LRMDA: variants seen among roughly 807,000 people sequenced by gnomAD.
LRMDA encodes leucine rich melanocyte differentiation associated, also known as leucine-rich melanocyte differentiation-associated protein.
LRMDA carries 18 observed loss-of-function variants against 29.8 expected under a neutral mutation model. The ratio of observed to expected loss-of-function variants is 0.60; its 90% CI spans 0.42 to 0.90. The LOEUF (loss-of-function observed/expected upper bound fraction) is 0.90. LRMDA is among the 40% of genes least tolerant of loss of function. The pLI is 0.00. For missense variants in LRMDA, 273 were observed against 273.9 expected, an observed-to-expected ratio of 1.00 and a Z score of 0.02; for synonymous variants, 125 against 109.4, an observed-to-expected ratio of 1.14 and a Z score of -0.89.
At chr10:75,466,406 G>C (rs1844650821) in intron 2 of LRMDA, among the ~76,000 whole-genome samples, 1 of 152,118 alleles carries the variant, frequency 6.6e-6, no homozygotes, top group Admixed American at 6.5e-5. Flanking sequence ...TGTGGGGGAA[G>C]CCTCTATGGT....
intron 5 of LRMDA, among the ~76,000 whole-genome samples, chr10:76,143,771 C>A (rs1012178497): frequency 1.3e-5 from 2 of 152,112 alleles, no homozygotes; most frequent in African/African-American, 2.4e-5. Context: ...CTTGCCCATG[C>A]CTATGTCCTG....
rs144382707 is a variant in LRMDA, at chr10:75,719,460, G to A, written c.131+280966G>A. On this transcript the variant is annotated intron_variant, in intron 2 of 6. Transcript: ENST00000611255. Reference sequence around the variant, plus strand: ...GTTTAAATTAAGTTAGACCTGCAGAGAACTTCTTTCACTTGTTACATTCTG... The same window carrying A: ...GTTTAAATTAAGTTAGACCTGCAGAAAACTTCTTTCACTTGTTACATTCTG... Among the ~76,000 whole-genome samples, 617 of 152,346 alleles carry A rather than the reference G, an allele frequency of 4.0e-3. 5 individuals carry two copies. The highest frequency in any genetic ancestry group is 0.012 in the African/African-American group (492 of 41,580).
intron 5 of LRMDA, among the ~76,000 whole-genome samples, chr10:76,204,129 C>A (rs1239397749): frequency 6.7e-6 from 1 of 150,122 alleles, no homozygotes. Context: ...TCTCCATGTG[C>A]CCGTCCACCC....
chr10:76,471,892 A>G (rs1842621386), intron 6 of LRMDA, among the ~76,000 whole-genome samples: 1 of 151,866 alleles, frequency 6.6e-6, no homozygotes, highest in Non-Finnish European at 1.5e-5. Flanking sequence ...AAACATATAG[A>G]CATGGCTACA....
At chr10:75,534,881 T>A (rs1344052858) in intron 2 of LRMDA, among the ~76,000 whole-genome samples, 1 of 152,148 alleles carries the variant, frequency 6.6e-6, no homozygotes, top group Non-Finnish European at 1.5e-5. Context: ...GAGGGTCAGA[T>A]TCAGGGGAAA....
rs1012113302 is a variant in LRMDA, at chr10:75,465,594, C to A, written c.131+27100C>A. On this transcript the variant is annotated intron_variant, in intron 2 of 6. Transcript: ENST00000611255. ...GTGGTAATGACTGCAGCTCTGATTT[C>A]AATTAACACCCACTAAATTTAGGCG... Among the ~76,000 whole-genome samples the A allele has an allele frequency of 2.0e-5, 3 of 152,306 alleles. No homozygotes were observed. In the East Asian group the frequency reaches 5.8e-4, roughly 29 times the overall value.
At chr10:75,518,224 G>T (rs940267440) in intron 2 of LRMDA, among the ~76,000 whole-genome samples, 5 of 152,196 alleles carry the variant, frequency 3.3e-5, no homozygotes, top group Non-Finnish European at 7.3e-5. Flanking sequence ...CATAAAATGA[G>T]TTAGGGAGGA....
chr10:76,134,021 C>T (rs1021230044), intron 5 of LRMDA, among the ~76,000 whole-genome samples: 2 of 152,292 alleles, frequency 1.3e-5, no homozygotes, highest in South Asian at 4.2e-4. Context: ...CCTCCCCCAC[C>T]CCCAACAAAG....
intron 2 of LRMDA, among the ~76,000 whole-genome samples, chr10:75,697,334 T>A (rs891913097): frequency 1.3e-4 from 19 of 151,338 alleles, no homozygotes; most frequent in Non-Finnish European, 2.4e-4. Context: ...TTTTTTTTTT[T>A]AAAGTAGTTC....
At chr10:76,055,680 G>A (rs1848602049) in intron 4 of LRMDA, among the ~76,000 whole-genome samples, 1 of 152,252 alleles carries the variant, frequency 6.6e-6, no homozygotes, top group Admixed American at 6.5e-5. Flanking sequence ...CATACAGCCA[G>A]GCATGCTGGA....
chr10:76,112,705 C>T (rs1468972510), intron 5 of LRMDA, among the ~76,000 whole-genome samples: 1 of 152,220 alleles, frequency 6.6e-6, no homozygotes, highest in Non-Finnish European at 1.5e-5. Context: ...GCTCCCGGAG[C>T]CCCCAGTGCA....
intron 2 of LRMDA, among the ~76,000 whole-genome samples, chr10:75,440,675 T>C (rs1002603852): frequency 6.6e-6 from 1 of 152,194 alleles, no homozygotes; most frequent in African/African-American, 2.4e-5. Context: ...CACTGGTCTC[T>C]ATCTTTGCCT....
At chr10:75,493,901 G>A (rs1450455197) in intron 2 of LRMDA, among the ~76,000 whole-genome samples, 9 of 5,392 alleles carry the variant, frequency 1.7e-3, no homozygotes, top group East Asian at 4.0e-3. Context: ...ATTTACGTGT[G>A]TGTGTGTGTG....
At chr10:75,682,751 T>C (rs1482250031) in intron 2 of LRMDA, among the ~76,000 whole-genome samples, 3 of 152,108 alleles carry the variant, frequency 2.0e-5, no homozygotes, top group African/African-American at 7.2e-5. Flanking sequence ...GGTGAAGTTT[T>C]ATTTTCTTCC....
At chr10:76,193,358 C>G (rs866405066) in intron 5 of LRMDA, among the ~76,000 whole-genome samples, 1 of 152,104 alleles carries the variant, frequency 6.6e-6, no homozygotes, top group African/African-American at 2.4e-5. Context: ...ATTAGGCTCC[C>G]TGCTTCAATC....
chr10:76,352,290 G>T (rs1397249643), intron 6 of LRMDA, among the ~76,000 whole-genome samples: 2 of 151,988 alleles, frequency 1.3e-5, no homozygotes, highest in Admixed American at 6.6e-5. Context: ...TAATTATTAG[G>T]CATGGTAAGA....
chr10:75,987,673 C>CT (rs1847284392), intron 2 of LRMDA, among the ~76,000 whole-genome samples: 1 of 152,152 alleles, frequency 6.6e-6, no homozygotes, highest in East Asian at 1.9e-4. Flanking sequence ...CCAGATGGCT[C>CT]TGTGTGGGCA....
intron 2 of LRMDA, among the ~76,000 whole-genome samples, chr10:75,503,145 A>G (rs1251640012): frequency 6.6e-6 from 1 of 151,468 alleles, no homozygotes. Context: ...GGGAATGTCC[A>G]TTTTGGACAT....
At chr10:75,981,716 G>T (rs905345860) in intron 2 of LRMDA, among the ~76,000 whole-genome samples, 2 of 152,020 alleles carry the variant, frequency 1.3e-5, no homozygotes, top group African/African-American at 2.4e-5. Flanking sequence ...GCTGGGAATG[G>T]TGGTGGGCAT....
Sources: allele counts gnomAD v4.1 joint callset (sites outside exome capture counted in the v4.1 genomes callset), GRCh38; gene constraint gnomAD v4.1.1; transcripts MANE v1.5; gene names NCBI Gene and HGNC (gene_info 2026-07-23, HGNC 2026-07-21).